NFASC: variants seen among roughly 807,000 people sequenced by gnomAD.
NFASC encodes the protein neurofascin.
Under a neutral mutation model 147.5 loss-of-function variants are expected in NFASC, and 43 were observed. The observed-to-expected ratio is 0.29, with a 90% CI of 0.23 to 0.38. The LOEUF (loss-of-function observed/expected upper bound fraction) is 0.38, where lower values mean the gene tolerates loss of function less well. Among genes scored for constraint, NFASC ranks in the 10% least tolerant of loss-of-function variants. The probability of loss-of-function intolerance (pLI) is 1.00; values close to 1 mark genes in which losing one functional copy is unlikely to be tolerated. For synonymous variants in NFASC, 622 were observed against 665.5 expected (o/e 0.93, Z 1.01); for missense variants, 1,320 against 1,689.0 (o/e 0.78, Z 3.83).
chr1:205,015,519 C>A lies in NFASC; in HGVS notation c.3492-789C>A, dbSNP rs1018558095. On this transcript the variant is annotated intron_variant, in intron 29 of 29. Coordinates refer to ENST00000339876, the MANE Select transcript of NFASC (RefSeq NM_001005388.3). The surrounding 1 kb of genome is among the most constrained non-coding windows in gnomAD (Gnocchi z 4.0). ...CAACTGGGTGGCTGTTCCCAGCGGCCCGTGCAGCTTTACTCGGCAGCCTCC... is the reference window on the plus strand; with the variant it reads ...CAACTGGGTGGCTGTTCCCAGCGGCACGTGCAGCTTTACTCGGCAGCCTCC... Among the ~76,000 whole-genome samples, 1 of 152,116 alleles carries A rather than the reference C, an allele frequency of 6.6e-6. No individual in the cohort carries two copies. The highest frequency in any genetic ancestry group is 1.5e-5 in the Non-Finnish European group (1 of 68,038).
chr1:204,832,382 C>A (rs1453356075), intron 1 of NFASC, among the ~76,000 whole-genome samples: 1 of 152,068 alleles, frequency 6.6e-6, no homozygotes, highest in Non-Finnish European at 1.5e-5. Context: ...TGCTGAGAGG[C>A]AAGGCGAGGA....
chr1:204,919,787 T>C (rs912653742), intron 1 of NFASC, among the ~76,000 whole-genome samples: 5 of 152,024 alleles, frequency 3.3e-5, no homozygotes, highest in Admixed American at 2.0e-4. Context: ...CCCGGCTAAT[T>C]TTTGTATTTT....
intron 2 of NFASC, among the ~76,000 whole-genome samples, chr1:204,934,195 A>G (rs1324957943): frequency 6.6e-6 from 1 of 150,902 alleles, no homozygotes; most frequent in Admixed American, 6.6e-5. Flanking sequence ...GCTGAGGCAG[A>G]GAGCCAGTTG....
chr1:205,012,514 A>G (rs113271172), intron 28 of NFASC, among the ~76,000 whole-genome samples: 1 of 152,068 alleles, frequency 6.6e-6, no homozygotes, highest in Admixed American at 6.5e-5. Context: ...TTTTGGGGAG[A>G]CTTCATGGAG....
At chr1:205,003,530 T>C (rs2096042069) in intron 27 of NFASC, among the ~76,000 whole-genome samples, 1 of 152,138 alleles carries the variant, frequency 6.6e-6, no homozygotes, top group South Asian at 2.1e-4. Flanking sequence ...TCTGAGTGAG[T>C]GTAGCTTTAA....
chr1:204,851,782 G>T (rs2075718935), intron 1 of NFASC, among the ~76,000 whole-genome samples: 1 of 152,154 alleles, frequency 6.6e-6, no homozygotes, highest in Non-Finnish European at 1.5e-5. Flanking sequence ...AATTTTCATA[G>T]TAAGCTGATC....
chr1:204,952,703 T>G (rs1053212860), intron 5 of NFASC, among the ~76,000 whole-genome samples: 2 of 152,202 alleles, frequency 1.3e-5, no homozygotes, highest in African/African-American at 4.8e-5. Context: ...TTTAAACTCA[T>G]GCATTTCTAC....
intron 29 of NFASC, among the ~76,000 whole-genome samples, chr1:205,013,782 C>T (rs1341554733): frequency 6.6e-6 from 1 of 152,114 alleles, no homozygotes; most frequent in African/African-American, 2.4e-5. Context: ...ACTGCCTGGG[C>T]CCAGGTCCCC....
chr1:204,954,278 C>T lies in NFASC; in HGVS notation c.306C>T (p.Asp102=), dbSNP rs147387188. The change falls in exon 6 of 30, where the codon GAC becomes GAT. Residue 102 remains aspartate (D), a synonymous_variant. Transcript: ENST00000339876. The surrounding 1 kb of genome is among the most constrained non-coding windows in gnomAD (Gnocchi z 5.7). ...GGAGGTCTGGGACCCTGGTGATTGA[C>T]TTCCGCAGTGGCGGGCGGCCGGAGG... ...MRRRSGTLVI[D]FRSGGRPEEY... 7 of 1,614,134 alleles carry T rather than the reference C, an allele frequency of 4.3e-6. No individual in the cohort carries two copies. The highest frequency in any genetic ancestry group is 5.9e-6 in the Non-Finnish European group (7 of 1,180,054).
chr1:205,007,017 A>G (rs904228271), intron 27 of NFASC, among the ~76,000 whole-genome samples: 3 of 152,048 alleles, frequency 2.0e-5, no homozygotes, highest in African/African-American at 7.3e-5. Flanking sequence ...AGCGCTAAGA[A>G]TAGAGGGGCT....
intron 1 of NFASC, among the ~76,000 whole-genome samples, chr1:204,882,779 A>G (rs1472817148): frequency 6.6e-6 from 1 of 152,100 alleles, no homozygotes; most frequent in African/African-American, 2.4e-5. Flanking sequence ...GTGCTTTTCT[A>G]TTATTTTACC....
intron 1 of NFASC, among the ~76,000 whole-genome samples, chr1:204,829,481 C>T (rs1290799329): frequency 6.6e-6 from 1 of 152,076 alleles, no homozygotes; most frequent in Non-Finnish European, 1.5e-5. Context: ...CCCTCAGTGG[C>T]CTCTGGACCC....
rs955126652 is a variant in NFASC, at chr1:204,870,748, G to A, written c.-200+41966G>A. On this transcript the variant is annotated intron_variant, in intron 1 of 29. Coordinates refer to ENST00000339876, the MANE Select transcript of NFASC (RefSeq NM_001005388.3). ...GTGTATTGTGTGGCGTTCCATTCAC[G>A]GCACTCTCAGAGGACGTGGTGGGCT... 10 of 1,153,796 alleles carry A rather than the reference G, an allele frequency of 8.7e-6. No individual in the cohort carries two copies. The South Asian group carries it at 9.1e-5, about 10-fold the overall frequency. 71.5% of individuals were successfully genotyped at this position (1,153,796 alleles called of 1,614,324 possible).
chr1:204,930,757 A>C lies in NFASC; in HGVS notation c.-91+10017A>C, dbSNP rs186142150. ...GGGCCTTGGCAAAAAGGGAATTTGCACTGTGGAGAAGGAAGAGAATAGCAT... is the reference window on the plus strand; with the variant it reads ...GGGCCTTGGCAAAAAGGGAATTTGCCCTGTGGAGAAGGAAGAGAATAGCAT... On this transcript the variant is annotated intron_variant, in intron 2 of 29. Coordinates refer to ENST00000339876, the MANE Select transcript of NFASC (RefSeq NM_001005388.3). 6.3e-4 allele frequency among the ~76,000 whole-genome samples: 96 copies of C among 152,362 alleles called. No homozygotes were observed. In the East Asian group the frequency reaches 0.013, roughly 21 times the overall value.
chr1:204,946,598 A>T, intron 3 of NFASC: 1 of 469,994 alleles, frequency 2.1e-6, no homozygotes, highest in Non-Finnish European at 4.3e-6. Flanking sequence ...ATGACAGGGG[A>T]TGAGGGGGCA....
At chr1:204,967,212 C>T (rs1451057545) in intron 8 of NFASC, among the ~76,000 whole-genome samples, 3 of 152,124 alleles carry the variant, frequency 2.0e-5, no homozygotes, top group African/African-American at 7.2e-5. Flanking sequence ...TTCCTATGTA[C>T]GATCGTACAC....
Position 204,946,813 on chromosome 1 carries a change from C to T in NFASC, c.91+2407C>T, listed in dbSNP as rs183761318. The T allele has an allele frequency of 3.3e-4, 168 of 503,226 alleles. 1 individual carries two copies. The highest frequency in any genetic ancestry group is 1.6e-3 in the Admixed American group (78 of 49,872). The allele number at this position is 503,226 out of a possible 1,614,324, so 31.2% of individuals were successfully genotyped here. On this transcript the variant is annotated intron_variant, in intron 3 of 29. Coordinates refer to ENST00000339876, the MANE Select transcript of NFASC (RefSeq NM_001005388.3). ...TCCCTGGGCTGCCAGCCTTCTTTTT[C>T]GGCAGACCCCACGGGGCATGCTACC...
intron 1 of NFASC, among the ~76,000 whole-genome samples, chr1:204,919,500 A>G (rs1228999197): frequency 2.0e-5 from 3 of 152,336 alleles, no homozygotes; most frequent in Admixed American, 6.5e-5. Context: ...TGGAGATTGT[A>G]GGTATATAGG....
chr1:204,916,137 GC>G (rs764397466), intron 1 of NFASC, among the ~76,000 whole-genome samples: 11 of 152,208 alleles, frequency 7.2e-5, no homozygotes, highest in Non-Finnish European at 1.3e-4. Context: ...TCTAGGGACA[GC>G]AACCAAGTGC....
Sources: allele counts gnomAD v4.1 joint callset (sites outside exome capture counted in the v4.1 genomes callset), GRCh38; gene constraint gnomAD v4.1.1; non-coding constraint Gnocchi (gnomAD v3.1); transcripts MANE v1.5; gene names NCBI Gene and HGNC (gene_info 2026-07-23, HGNC 2026-07-21).